The following GLI2 variants were observed in gnomAD, a reference collection of about 807,000 sequenced individuals.
The protein encoded by GLI2 is GLI family zinc finger 2.
Under a neutral mutation model 78.9 loss-of-function variants are expected in GLI2, and 22 were observed. That is an observed-to-expected ratio of 0.28 (90% CI 0.20 to 0.40). The LOEUF (loss-of-function observed/expected upper bound fraction) is 0.40, where lower values mean the gene tolerates loss of function less well. Ranked by LOEUF, GLI2 falls within the 10% of genes least tolerant of loss-of-function variation. GLI2 has a pLI of 1.00. For missense variants in GLI2, 2,097 were observed against 2,213.2 expected (o/e 0.95, Z 1.05); for synonymous variants, 974 against 963.7 (o/e 1.01, Z -0.20).
At chr2:120,855,165 C>T (rs573816037) in intron 2 of GLI2, among the ~76,000 whole-genome samples, 117 of 152,302 alleles carry the variant, frequency 7.7e-4, no homozygotes, top group Non-Finnish European at 1.4e-3. Flanking sequence ...AACAATTTGC[C>T]GATGATCAGG....
chr2:120,929,449 G>A (rs1679846851), intron 3 of GLI2, among the ~76,000 whole-genome samples: 1 of 152,208 alleles, frequency 6.6e-6, no homozygotes. Flanking sequence ...TTTGCCAAAT[G>A]GCGATTTTCT....
At chr2:120,741,742 T>C (rs1420188120) in intron 1 of GLI2, among the ~76,000 whole-genome samples, 1 of 151,982 alleles carries the variant, frequency 6.6e-6, no homozygotes, top group East Asian at 1.9e-4. Context: ...GGACATTCCG[T>C]GCCCCGAGCG....
intron 2 of GLI2, among the ~76,000 whole-genome samples, chr2:120,881,580 C>A (rs1228458186): frequency 1.5e-5 from 1 of 64,746 alleles, no homozygotes; most frequent in Non-Finnish European, 2.9e-5. Flanking sequence ...TAGGGGAGGG[C>A]AGGTAGTGGG....
intron 2 of GLI2, among the ~76,000 whole-genome samples, chr2:120,852,643 T>TAA (rs1483216582): frequency 2.6e-5 from 4 of 152,168 alleles, no homozygotes. Context: ...TGCCCACAGA[T>TAA]ACCTCTCCTG....
intron 8 of GLI2, among the ~76,000 whole-genome samples, chr2:120,973,761 A>G (rs1457669519): frequency 1.3e-5 from 2 of 152,182 alleles, no homozygotes; most frequent in Non-Finnish European, 2.9e-5. Flanking sequence ...GTTGGGAACA[A>G]GTGGATTCGT....
chr2:120,925,548 A>C (rs1679621097), intron 2 of GLI2, among the ~76,000 whole-genome samples: 1 of 152,226 alleles, frequency 6.6e-6, no homozygotes, highest in African/African-American at 2.4e-5. Flanking sequence ...TGCGAAGTGA[A>C]ATAAGCCAGT....
intron 1 of GLI2, among the ~76,000 whole-genome samples, chr2:120,791,808 TCTGTG>T (rs1684166341): frequency 6.6e-6 from 1 of 152,138 alleles, no homozygotes; most frequent in African/African-American, 2.4e-5. Context: ...CATGCACACG[TCTGTG>T]ACTTTAATGC....
chr2:120,821,066 G>T (rs947767314), intron 2 of GLI2, among the ~76,000 whole-genome samples: 8 of 152,082 alleles, frequency 5.3e-5, no homozygotes, highest in African/African-American at 1.9e-4. Flanking sequence ...TGTTTTCAGG[G>T]CCCAGAACAC....
intron 3 of GLI2, among the ~76,000 whole-genome samples, chr2:120,933,872 C>A (rs1390476333): frequency 7.0e-6 from 1 of 143,190 alleles, no homozygotes; most frequent in Non-Finnish European, 1.5e-5. Context: ...CCCTGCCCTG[C>A]CCTGCCCTGC....
At chr2:120,962,787 T>G (rs1558918477) in intron 5 of GLI2, among the ~76,000 whole-genome samples, 1 of 152,204 alleles carries the variant, frequency 6.6e-6, no homozygotes, top group Non-Finnish European at 1.5e-5. Flanking sequence ...ACTGTCAGAT[T>G]TGGCCTGTTT....
intron 2 of GLI2, among the ~76,000 whole-genome samples, chr2:120,913,707 A>T (rs1406784745): frequency 2.6e-5 from 4 of 152,180 alleles, no homozygotes; most frequent in Non-Finnish European, 5.9e-5. Context: ...TCCCCTGTTG[A>T]TTGCAGAAAG....
At chr2:120,805,103 C>T (rs867487) in intron 2 of GLI2, among the ~76,000 whole-genome samples, 2,102 of 152,326 alleles carry the variant, frequency 0.014, 55 homozygotes, top group African/African-American at 0.048. Flanking sequence ...AACGGAAACC[C>T]GAGCATTCCT....
intron 2 of GLI2, among the ~76,000 whole-genome samples, chr2:120,890,422 A>G (rs2104746901): frequency 6.8e-6 from 1 of 146,278 alleles, no homozygotes; most frequent in South Asian, 2.3e-4. Flanking sequence ...ATTGCATAAA[A>G]CTAAATGCAC....
At chr2:120,952,751 G>A (rs1335021959) in intron 4 of GLI2, among the ~76,000 whole-genome samples, 1 of 152,366 alleles carries the variant, frequency 6.6e-6, no homozygotes, top group Middle Eastern at 3.4e-3. Flanking sequence ...GTGCCCTGAG[G>A]CCTGTGCTGC....
At chr2:120,811,363 TC>T (rs1031199063) in intron 2 of GLI2, among the ~76,000 whole-genome samples, 3 of 152,152 alleles carry the variant, frequency 2.0e-5, no homozygotes, top group African/African-American at 7.2e-5. Context: ...GCTGTCCCCC[TC>T]CCCTACTTGT....
chr2:120,855,859 AGCCTCTGTGCTGG>A (rs1310746534), intron 2 of GLI2, among the ~76,000 whole-genome samples: 5 of 152,168 alleles, frequency 3.3e-5, no homozygotes, highest in Non-Finnish European at 5.9e-5. Flanking sequence ...CTCTGCTCTG[AGCCTCTGTGCTGG>A]GCCTCCTCTC....
chr2:120,807,755 C>G (rs1472393974), intron 2 of GLI2, among the ~76,000 whole-genome samples: 1 of 152,162 alleles, frequency 6.6e-6, no homozygotes, highest in Admixed American at 6.5e-5. Context: ...GTCTAGTGGC[C>G]CCTCCTAGGG....
intron 1 of GLI2, among the ~76,000 whole-genome samples, chr2:120,779,615 AT>A (rs1683779817): frequency 6.6e-6 from 1 of 152,250 alleles, no homozygotes; most frequent in South Asian, 2.1e-4. Flanking sequence ...TGGTTCAGTC[AT>A]AATAATGGTT....
rs925913163 is a variant in GLI2 at position 120,901,890 on chromosome 2, G to T, written c.149-25471G>T. On this transcript the variant is annotated intron_variant, in intron 2 of 13. Coordinates refer to ENST00000361492, the MANE Select transcript of GLI2 (RefSeq NM_001374353.1). ...TTCACAACACTCTTTTCAGCATTGG[G>T]TATTCTCATTTTTAAACATATACTT... Among the ~76,000 whole-genome samples the T allele has an allele frequency of 5.9e-5, 9 of 152,220 alleles. No homozygotes were observed. The East Asian group carries it at 1.5e-3, about 26-fold the overall frequency.
Sources: allele counts gnomAD v4.1 joint callset (sites outside exome capture counted in the v4.1 genomes callset), GRCh38; gene constraint gnomAD v4.1.1; transcripts MANE v1.5; gene names NCBI Gene and HGNC (gene_info 2026-07-23, HGNC 2026-07-21).